The following USP13 variants were observed in gnomAD, a reference collection of about 807,000 sequenced individuals.
The protein encoded by USP13 is ubiquitin carboxyl-terminal hydrolase 13.
In USP13, 68 loss-of-function variants were observed where a neutral mutation model predicts 107.8. The observed-to-expected ratio is 0.63, with a 90% CI of 0.52 to 0.77. The LOEUF (loss-of-function observed/expected upper bound fraction) is 0.77, where lower values mean the gene tolerates loss of function less well. USP13 is among the 30% of genes least tolerant of loss of function. USP13 has a pLI of 0.00. For missense variants in USP13, 945 were observed against 1,093.3 expected (o/e 0.86, Z 1.91); for synonymous variants, 377 against 389.5 (o/e 0.97, Z 0.38).
Position 179,761,245 on chromosome 3 carries a change from G to A in USP13, c.2082G>A (p.Met694Ile). The change falls in exon 17 of 21, where the codon ATG becomes ATA. Residue 694 changes from methionine to isoleucine, a missense_variant. By Grantham distance (10) the Met-to-Ile change is conservative. Coordinates refer to ENST00000263966, the MANE Select transcript of USP13 (RefSeq NM_003940.3). ...CCTTCAACTGGATCATTGTTCACAT[G>A]GAAGAGCCAGGTAGGTGGCGAGAAA... is the stretch of plus-strand genomic sequence containing the variant. ...EVAFNWIIVHMEEPDFAEPLT... is the reference protein window; with the variant it reads ...EVAFNWIIVHIEEPDFAEPLT... The A allele has an allele frequency of 6.2e-7, 1 of 1,614,168 alleles. No homozygotes were observed. Among genetic ancestry groups the A allele is most frequent in the African/African-American group, 1.3e-5 (1 of 75,036 alleles).
Position 179,742,116 on chromosome 3 carries a change from C to A in USP13, c.1381-81C>A. On this transcript the variant is annotated intron_variant, in intron 11 of 20. Coordinates refer to ENST00000263966, the MANE Select transcript of USP13 (RefSeq NM_003940.3). The surrounding 1 kb of genome is among the most constrained non-coding windows in gnomAD (Gnocchi z 5.0). ...GTTTAATAAAGCCAAGTGTTTACACCGGGTTTAGAGTTCATTTTCTACTAA... is the reference window on the plus strand; with the variant it reads ...GTTTAATAAAGCCAAGTGTTTACACAGGGTTTAGAGTTCATTTTCTACTAA... 1 of 1,548,708 alleles carries A rather than the reference C, an allele frequency of 6.5e-7. No homozygotes were observed. Among genetic ancestry groups the A allele is most frequent in the Non-Finnish European group, 8.8e-7 (1 of 1,131,796 alleles).
chr3:179,688,367 T>A (rs1711971741), intron 2 of USP13, among the ~76,000 whole-genome samples: 1 of 152,242 alleles, frequency 6.6e-6, no homozygotes, highest in Non-Finnish European at 1.5e-5. Context: ...TTTTTGAATC[T>A]TTCTTAGCAC....
chr3:179,729,024 A>G (rs1338554798), intron 8 of USP13, among the ~76,000 whole-genome samples: 4 of 152,130 alleles, frequency 2.6e-5, no homozygotes, highest in African/African-American at 9.6e-5. Context: ...AATGTTAAAG[A>G]GAAAAATTAC....
intron 20 of USP13, 96 bp from the exon 21 acceptor site, chr3:179,783,952 G>A (rs1715835361): frequency 1.1e-6 from 1 of 935,818 alleles, no homozygotes; most frequent in Non-Finnish European, 1.7e-6. Flanking sequence ...AAAACATCAT[G>A]GTTAAGTGTT....
Position 179,727,806 on chromosome 3 carries a change from C to G in USP13, c.1089-2383C>G, listed in dbSNP as rs1226785940. 2.8e-5 allele frequency among the ~76,000 whole-genome samples: 3 copies of G among 106,400 alleles called. 1 individual carries two copies. The highest frequency in any genetic ancestry group is 4.1e-5 in the Non-Finnish European group (2 of 48,382). The allele number at this position is 106,400 out of a possible 152,430, so 69.8% of individuals were successfully genotyped here. ...GGCTGGGCAGGGGGCTGACCCCCCC[C>G]CCACCTCCCTCCCGGACGGGGCGGC... On this transcript the variant is annotated intron_variant, in intron 8 of 20. Transcript: ENST00000263966.
chr3:179,714,866 TTTTC>T (rs1352653448), intron 6 of USP13, among the ~76,000 whole-genome samples: 2 of 39,542 alleles, frequency 5.1e-5, no homozygotes, highest in African/African-American at 1.3e-4. Context: ...TTCTTTTCCT[TTTTC>T]TTTTTTTTTT....
In USP13 at chr3:179,789,195, TGGCAGA is replaced by T. The variant is rs1715990190; in HGVS notation, c.*5058_*5063del. On this transcript the variant is annotated 3_prime_UTR_variant, in exon 21 of 21. Coordinates refer to ENST00000263966, the MANE Select transcript of USP13 (RefSeq NM_003940.3). Reference sequence around the variant, plus strand: ...CTTGATGTGCCGCTTGTCTCAGCCTTGGCAGAGGCTGAGTCTGTTCCTGTGCCCACC... The same window carrying T: ...CTTGATGTGCCGCTTGTCTCAGCCTTGGCTGAGTCTGTTCCTGTGCCCACC... 1 of 152,242 alleles carries T rather than the reference TGGCAGA, an allele frequency of 6.6e-6. No homozygotes were observed. Among genetic ancestry groups the T allele is most frequent in the Non-Finnish European group, 1.5e-5 (1 of 68,044 alleles). The allele number at this position is 152,242 out of a possible 1,614,324, so 9.4% of individuals were successfully genotyped here.
At chr3:179,752,743 C>T (rs1041671238) in intron 14 of USP13, among the ~76,000 whole-genome samples, 2 of 152,190 alleles carry the variant, frequency 1.3e-5, no homozygotes, top group African/African-American at 4.8e-5. Flanking sequence ...TTCTAACAAG[C>T]TCCCACGTGA....
chr3:179,789,057 T>A lies in USP13; in HGVS notation c.*4916T>A, dbSNP rs1254085527. On this transcript the variant is annotated 3_prime_UTR_variant, in exon 21 of 21. Transcript: ENST00000263966. ...CAAGGATATTAGCCACTTGAGGGTG[T>A]TGGGCATATTTGTTTCATTGTAGGC... The A allele has an allele frequency of 2.0e-5, 3 of 152,222 alleles. No homozygotes were observed. The highest frequency in any genetic ancestry group is 4.4e-5 in the Non-Finnish European group (3 of 68,030). 9.4% of individuals were successfully genotyped at this position (152,222 alleles called of 1,614,324 possible).
rs774266692 is a variant in USP13 at position 179,681,947 on chromosome 3, C to A, written c.238C>A (p.His80Asn). ...CTTTGGAAGGGAACATGTTGAAAGA[C>A]ATTTTCGAAAAACTGGACAGAGTGT... ...LAFGREHVER[H>N]FRKTGQSVYM... The change falls in exon 2 of 21, where the codon CAT (histidine) becomes AAT (asparagine). Residue 80 changes from histidine to asparagine, a missense_variant. Transcript: ENST00000263966. 1 of 1,613,956 alleles carries A rather than the reference C, an allele frequency of 6.2e-7. No homozygotes were observed. Among genetic ancestry groups the A allele is most frequent in the East Asian group, 2.2e-5 (1 of 44,874 alleles).
intron 3 of USP13, among the ~76,000 whole-genome samples, chr3:179,697,437 C>G (rs1712365413): frequency 6.6e-6 from 1 of 152,050 alleles, no homozygotes; most frequent in African/African-American, 2.4e-5. Flanking sequence ...GTGTAGGGAC[C>G]CATTCTTTCC....
chr3:179,743,889 A>ATG (rs1714296551), intron 12 of USP13, among the ~76,000 whole-genome samples: 1 of 146,978 alleles, frequency 6.8e-6, no homozygotes, highest in Non-Finnish European at 1.5e-5. Context: ...GAAAACACAT[A>ATG]TGTGCGTAAG....
At chr3:179,720,150 T>A in intron 7 of USP13, 116 bp downstream of exon 7, 3 of 656,514 alleles carry the variant, frequency 4.6e-6, no homozygotes, top group Non-Finnish European at 7.1e-6. Context: ...CTTCATTTTA[T>A]AGGTTTTAGC....
Position 179,784,730 on chromosome 3 carries a change from AT to A in USP13, c.*591del, listed in dbSNP as rs1339591627. 6.6e-6 allele frequency: 1 copy of A among 152,236 alleles called. No homozygotes were observed. Among genetic ancestry groups the A allele is most frequent in the Non-Finnish European group, 1.5e-5 (1 of 68,072 alleles). 9.4% of individuals were successfully genotyped at this position (152,236 alleles called of 1,614,324 possible). A position where few individuals can be genotyped will look rare whatever the true frequency, so the allele number is the denominator to read the frequency against. ...TTGTCACATTAAAATTCATAATACG[AT>A]TGTGTGAATGTGTGTGAGACTGACT... is the stretch of plus-strand genomic sequence containing the variant. On this transcript the variant is annotated 3_prime_UTR_variant, in exon 21 of 21. Coordinates refer to ENST00000263966, the MANE Select transcript of USP13 (RefSeq NM_003940.3).
At chr3:179,675,462 C>A (rs1346378809) in intron 1 of USP13, among the ~76,000 whole-genome samples, 1 of 151,562 alleles carries the variant, frequency 6.6e-6, no homozygotes, top group Non-Finnish European at 1.5e-5. Context: ...ATTTGTGGGG[C>A]CTCCATTCTT....
chr3:179,725,700 A>G (rs1206460516), intron 8 of USP13, among the ~76,000 whole-genome samples: 1 of 152,242 alleles, frequency 6.6e-6, no homozygotes, highest in African/African-American at 2.4e-5. Flanking sequence ...ATTGTGTGAC[A>G]TAAATGTATT....
chr3:179,730,622 G>A lies in USP13; in HGVS notation c.1167G>A (p.Lys389=). The part of the protein sequence containing the change: ...PTQDFNTQMT[K]LGHGLLSGQY... The stretch of plus-strand genomic sequence containing the variant: ...GTTTCTCTGTCCTGGCCAGGACTAA[G>A]TTAGGACATGGCCTTCTCTCAGGCC... The change falls in exon 10 of 21, where the codon AAG becomes AAA. Residue 389 remains lysine (K), a synonymous_variant. Transcript: ENST00000263966. The A allele has an allele frequency of 6.2e-7, 1 of 1,613,812 alleles. No individual in the cohort carries two copies. The highest frequency in any genetic ancestry group is 8.5e-7 in the Non-Finnish European group (1 of 1,179,698).
intron 1 of USP13, among the ~76,000 whole-genome samples, chr3:179,677,004 C>T (rs1257561764): frequency 1.3e-5 from 2 of 151,972 alleles, no homozygotes; most frequent in African/African-American, 2.4e-5. Flanking sequence ...ATTACAGGCA[C>T]CTGCCACCAT....
At position 179,761,111 on chromosome 3, in the gene USP13, G is replaced by C. The variant is rs376679532; in HGVS notation, c.1949-1G>C. The stretch of plus-strand genomic sequence containing the variant: ...CTAGAATATCCTGTTGTGCTCTGTA[G>C]CATCAGACATCGATGAGTCATCAGT... On this transcript the variant is annotated splice_acceptor_variant, in intron 16 of 20. Transcript: ENST00000263966. LOFTEE classifies it high-confidence loss of function. 13 of 1,614,052 alleles carry C rather than the reference G, an allele frequency of 8.1e-6. No individual in the cohort carries two copies. In the Middle Eastern group the frequency reaches 9.9e-4, roughly 122 times the overall value.
Sources: allele counts gnomAD v4.1 joint callset (sites outside exome capture counted in the v4.1 genomes callset), GRCh38; gene constraint gnomAD v4.1.1; non-coding constraint Gnocchi (gnomAD v3.1); transcripts MANE v1.5; gene names NCBI Gene and HGNC (gene_info 2026-07-23, HGNC 2026-07-21).